The following TECTA variants were observed in gnomAD, a reference collection of about 807,000 sequenced individuals.
TECTA encodes tectorin alpha, also known as alpha-tectorin.
A neutral mutation model predicts 216.8 loss-of-function variants in TECTA; 128 were observed. The ratio of observed to expected loss-of-function variants is 0.59; its 90% CI spans 0.51 to 0.68. The LOEUF is 0.68. Ranked by LOEUF, TECTA falls within the 30% of genes least tolerant of loss-of-function variation. The pLI is 0.00. For missense variants in TECTA, 2,551 were observed against 2,786.2 expected, an observed-to-expected ratio of 0.92 and a Z score of 1.90; for synonymous variants, 1,089 against 1,117.1, an observed-to-expected ratio of 0.97 and a Z score of 0.50.
intron 10 of TECTA, among the ~76,000 whole-genome samples, chr11:121,132,004 T>A (rs1946679938): frequency 6.6e-6 from 1 of 152,248 alleles, no homozygotes; most frequent in South Asian, 2.1e-4. Context: ...TGTTTTTTAA[T>A]CATATAATTA....
intron 10 of TECTA, among the ~76,000 whole-genome samples, chr11:121,136,237 C>T (rs918997060): frequency 6.6e-6 from 1 of 152,062 alleles, no homozygotes; most frequent in Non-Finnish European, 1.5e-5. Context: ...CTGGGATTTA[C>T]AAGTGTGTGC....
intron 6 of TECTA, among the ~76,000 whole-genome samples, chr11:121,115,311 T>C (rs1180449922): frequency 6.6e-6 from 1 of 152,206 alleles, no homozygotes; most frequent in Non-Finnish European, 1.5e-5. Flanking sequence ...TGCATCTTTC[T>C]GAAAAGCATT....
intron 17 of TECTA, among the ~76,000 whole-genome samples, chr11:121,165,873 T>C (rs767295221): frequency 6.6e-6 from 1 of 152,192 alleles, no homozygotes; most frequent in Non-Finnish European, 1.5e-5. Context: ...CGAGCCTTCC[T>C]GGATGGCTGC....
chr11:121,121,447 A>G (rs1263241838), intron 7 of TECTA, among the ~76,000 whole-genome samples: 2 of 152,234 alleles, frequency 1.3e-5, no homozygotes, highest in Admixed American at 1.3e-4. Flanking sequence ...TAGGTTGAGG[A>G]CAGGGTCAGA....
At chr11:121,143,189 C>T (rs1946800684) in intron 11 of TECTA, among the ~76,000 whole-genome samples, 1 of 152,184 alleles carries the variant, frequency 6.6e-6, no homozygotes, top group South Asian at 2.1e-4. Context: ...GCCTCTTTGC[C>T]ATGTGTGTAT....
chr11:121,135,269 G>T (rs1946714599), intron 10 of TECTA, among the ~76,000 whole-genome samples: 2 of 152,332 alleles, frequency 1.3e-5, no homozygotes, highest in South Asian at 4.1e-4. Context: ...TGGCCCTCCT[G>T]TTGGCAGAGC....
chr11:121,123,914 G>A (rs1946582988), intron 7 of TECTA, among the ~76,000 whole-genome samples: 1 of 151,978 alleles, frequency 6.6e-6, no homozygotes, highest in Admixed American at 6.6e-5. Context: ...GTAATCCTGG[G>A]AGTGCCCAGG....
chr11:121,146,606 C>G (rs376705443), intron 12 of TECTA, among the ~76,000 whole-genome samples: 5 of 152,204 alleles, frequency 3.3e-5, no homozygotes, highest in African/African-American at 4.8e-5. Flanking sequence ...AGAGAAGGAA[C>G]TAGAGCCCCT....
Position 121,105,991 on chromosome 11 carries a change from G to T in TECTA, c.198+27G>T, listed in dbSNP as rs768106063. ...TAAGTGGAGAAGCAGCCCATCTGTT[G>T]TTCTCTGGCCCTCCCTTTTGTTTGT... On this transcript the variant is annotated intron_variant, in intron 3 of 23. Coordinates refer to ENST00000392793, the MANE Select transcript of TECTA (RefSeq NM_005422.4). This position sits in a 1 kb window ranked among gnomAD's most constrained non-coding sequence, Gnocchi z 5.3. The T allele has an allele frequency of 1.9e-6, 3 of 1,614,014 alleles. No homozygotes were observed. The highest frequency in any genetic ancestry group is 2.5e-6 in the Non-Finnish European group (3 of 1,180,022).
rs1299330274 is a variant in TECTA at position 121,105,927 on chromosome 11, CA to C, written c.162del (p.Val55PhefsTer24). On this transcript the variant is annotated frameshift_variant, in exon 3 of 24. Transcript: ENST00000392793. LOFTEE classifies it high-confidence loss of function. This position sits in a 1 kb window ranked among gnomAD's most constrained non-coding sequence, Gnocchi z 5.3. ...TCATCTGAGATTAAGTTGGCCATCC[CA>C]GTTTTCTTCTTTGGCGTTCCTTACC... ...GSSSEIKLAI[P>X]VFFFGVPYRT... 1 of 1,614,208 alleles carries C rather than the reference CA, an allele frequency of 6.2e-7. No individual in the cohort carries two copies. Among genetic ancestry groups the C allele is most frequent in the East Asian group, 2.2e-5 (1 of 44,884 alleles).
In TECTA at chr11:121,157,946, G is replaced by A; in HGVS notation, c.4411G>A (p.Ala1471Thr). 6.2e-7 allele frequency: 1 copy of A among 1,614,018 alleles called. No individual in the cohort carries two copies. The highest frequency in any genetic ancestry group is 8.5e-7 in the Non-Finnish European group (1 of 1,180,022). The stretch of plus-strand genomic sequence containing the variant: ...CCAATGCAAGTCAGACGAGGAGTGT[G>A]CGCTGCGCAACGGGGTGCGCGGCTG... ...PRQCKSDEECALRNGVRGCFS... is the reference protein window; with the variant it reads ...PRQCKSDEECTLRNGVRGCFS... The change falls in exon 14 of 24, where the codon GCG becomes ACG. Residue 1471 changes from alanine to threonine, a missense_variant. Ala to Thr is a moderately conservative substitution (Grantham distance 58). This residue lies in a region of TECTA where 2,375 missense variants were observed against 2,563.9 expected (regional missense o/e 0.93). Transcript: ENST00000392793.
At chr11:121,177,625 G>T (rs1440180975) in intron 20 of TECTA, among the ~76,000 whole-genome samples, 1 of 152,180 alleles carries the variant, frequency 6.6e-6, no homozygotes, top group African/African-American at 2.4e-5. Flanking sequence ...GGGGGTCAGG[G>T]GTCAGGGACC....
At chr11:121,175,788 G>T (rs1042041979) in intron 20 of TECTA, among the ~76,000 whole-genome samples, 2 of 152,286 alleles carry the variant, frequency 1.3e-5, no homozygotes, top group Middle Eastern at 3.4e-3. Flanking sequence ...TGTTGACGGG[G>T]TGTTAAAGTC....
intron 20 of TECTA, among the ~76,000 whole-genome samples, chr11:121,180,813 CTTTT>C (rs34807486): frequency 5.8e-5 from 7 of 119,986 alleles, no homozygotes; most frequent in Admixed American, 8.8e-5. Flanking sequence ...TTTCTTATTC[CTTTT>C]TTTTTTTTTT....
intron 3 of TECTA, among the ~76,000 whole-genome samples, chr11:121,108,803 CT>C (rs1341835791): frequency 1.2e-5 from 1 of 82,392 alleles, no homozygotes; most frequent in East Asian, 4.9e-4. Context: ...TACTCCTCAC[CT>C]CAGTACACAA....
chr11:121,166,684 G>A lies in TECTA; in HGVS notation c.5490G>A (p.Val1830=). 1 of 1,614,214 alleles carries A rather than the reference G, an allele frequency of 6.2e-7. No individual in the cohort carries two copies. The highest frequency in any genetic ancestry group is 1.1e-5 in the South Asian group (1 of 91,088). The part of the protein sequence containing the change: ...LFQLGFEREG[V]RINDRQCTGI... ...AGCTCGGTTTTGAGAGGGAGGGCGT[G>A]AGGATCAATGACAGACAGTGCACCG... Residue 1830 remains valine (V), a synonymous_variant, in exon 18 of 24, where the codon GTG becomes GTA. Transcript: ENST00000392793.
At chr11:121,126,270 A>T (rs1214587327) in intron 8 of TECTA, among the ~76,000 whole-genome samples, 2 of 152,232 alleles carry the variant, frequency 1.3e-5, no homozygotes, top group Non-Finnish European at 2.9e-5. Context: ...GTCACCTTCC[A>T]CATGGAACCT....
chr11:121,137,337 CTCATACACACATGCAT>C lies in TECTA; in HGVS notation c.2942-83_2942-68del. The C allele has an allele frequency of 5.2e-6, 8 of 1,551,076 alleles. No homozygotes were observed. The South Asian group carries it at 9.0e-5, about 17-fold the overall frequency. On this transcript the variant is annotated intron_variant, in intron 10 of 23. Coordinates refer to ENST00000392793, the MANE Select transcript of TECTA (RefSeq NM_005422.4). ...ACATGCACTCACAAACACACATGCA[CTCATACACACATGCAT>C]GCACGCACACTTCTGTCTCTGACTT...
rs1333680468 is a variant in TECTA at position 121,109,457 on chromosome 11, T to C, written c.445T>C (p.Trp149Arg). Residue 149 changes from tryptophan (W) to arginine (R), a missense_variant, in exon 4 of 24, where the codon TGG becomes CGG. This residue lies in a region of TECTA where 2,375 missense variants were observed against 2,563.9 expected (regional missense o/e 0.93). Coordinates refer to ENST00000392793, the MANE Select transcript of TECTA (RefSeq NM_005422.4). ...FSATWVFIVT[W>R]EEVTFYGGSS... ...TGCCACTTGGGTTTTCATTGTGACA[T>C]GGGAGGAAGTCACGTTTTATGGAGG... The C allele has an allele frequency of 6.2e-7, 1 of 1,614,132 alleles. No individual in the cohort carries two copies. The highest frequency in any genetic ancestry group is 1.1e-5 in the South Asian group (1 of 91,072).
Sources: allele counts gnomAD v4.1 joint callset (sites outside exome capture counted in the v4.1 genomes callset), GRCh38; gene constraint gnomAD v4.1.1; regional missense constraint gnomAD v4.1.1; non-coding constraint Gnocchi (gnomAD v3.1); transcripts MANE v1.5; gene names NCBI Gene and HGNC (gene_info 2026-07-23, HGNC 2026-07-21).